AGAP1: variants seen among roughly 807,000 people sequenced by gnomAD.
AGAP1 encodes arf-GAP with GTPase, ANK repeat and PH domain-containing protein 1.
In AGAP1, 29 loss-of-function variants were observed where a neutral mutation model predicts 105.3. The ratio of observed to expected loss-of-function variants is 0.28; its 90% CI spans 0.21 to 0.38. The LOEUF (loss-of-function observed/expected upper bound fraction) is 0.38, where lower values mean the gene tolerates loss of function less well. Ranked by LOEUF, AGAP1 falls within the 10% of genes least tolerant of loss-of-function variation. The pLI is 1.00. For missense variants in AGAP1, 998 were observed against 1,165.1 expected (o/e 0.86, Z 2.09); for synonymous variants, 509 against 485.9 (o/e 1.05, Z -0.63).
intron 9 of AGAP1, among the ~76,000 whole-genome samples, chr2:235,832,472 C>G (rs1276841740): frequency 6.6e-6 from 1 of 152,240 alleles, no homozygotes; most frequent in Non-Finnish European, 1.5e-5. Flanking sequence ...AAATCATCAA[C>G]TCTTCCGATG....
At chr2:235,533,529 A>G (rs1207668827) in intron 1 of AGAP1, among the ~76,000 whole-genome samples, 3 of 152,192 alleles carry the variant, frequency 2.0e-5, no homozygotes, top group African/African-American at 7.2e-5. Flanking sequence ...CAAAACAAAG[A>G]TTTTGCTTGG....
intron 1 of AGAP1, among the ~76,000 whole-genome samples, chr2:235,653,454 G>T (rs1442819630): frequency 2.0e-5 from 3 of 151,400 alleles, no homozygotes; most frequent in African/African-American, 7.3e-5. Flanking sequence ...AAAGAGCGAA[G>T]CCTCCATCTC....
At chr2:235,898,277 C>T (rs913925037) in intron 10 of AGAP1, among the ~76,000 whole-genome samples, 3 of 152,102 alleles carry the variant, frequency 2.0e-5, no homozygotes, top group African/African-American at 7.2e-5. Flanking sequence ...GCAAAGGGAA[C>T]GGGGCCTTTT....
chr2:236,040,488 C>A lies in AGAP1; in HGVS notation c.1801-263C>A. On this transcript the variant is annotated intron_variant, in intron 14 of 17. Transcript: ENST00000304032. This position sits in a 1 kb window ranked among gnomAD's most constrained non-coding sequence, Gnocchi z 5.6. ...GCGTATTCACAGATGATCCAGAACTCTCCTCTTTGCTCATTTCTGGCAGAG... is the reference window on the plus strand; with the variant it reads ...GCGTATTCACAGATGATCCAGAACTATCCTCTTTGCTCATTTCTGGCAGAG... 1.9e-6 allele frequency: 1 copy of A among 521,206 alleles called. No homozygotes were observed. The highest frequency in any genetic ancestry group is 3.5e-6 in the Non-Finnish European group (1 of 289,712). The allele number at this position is 521,206 out of a possible 1,614,324, so 32.3% of individuals were successfully genotyped here.
At chr2:235,749,348 G>A (rs2149705883) in intron 5 of AGAP1, among the ~76,000 whole-genome samples, 1 of 152,034 alleles carries the variant, frequency 6.6e-6, no homozygotes, top group Admixed American at 6.6e-5. Context: ...ATGGGGCAGG[G>A]CTGGGGGTGG....
chr2:236,079,265 A>AG (rs1559254589), intron 16 of AGAP1, among the ~76,000 whole-genome samples: 2 of 151,844 alleles, frequency 1.3e-5, no homozygotes, highest in Non-Finnish European at 2.9e-5. Flanking sequence ...TACACCTGTA[A>AG]TCCCAGCACT....
At chr2:235,718,487 T>A in intron 3 of AGAP1, 4 of 741,048 alleles carry the variant, frequency 5.4e-6, no homozygotes, top group Non-Finnish European at 6.6e-6. Context: ...CCCTCCTTGT[T>A]CTGTGTACCA....
intron 16 of AGAP1, among the ~76,000 whole-genome samples, chr2:236,112,902 CCT>C (rs34179713): frequency 0.074 from 11,301 of 152,314 alleles, 578 homozygotes; most frequent in Middle Eastern, 0.17. Context: ...GCTCTGCAGC[CCT>C]GTCTGGCTGA....
chr2:235,969,913 G>T (rs1292720133), intron 13 of AGAP1, among the ~76,000 whole-genome samples: 2 of 152,102 alleles, frequency 1.3e-5, no homozygotes, highest in African/African-American at 4.8e-5. Context: ...AATAAAAACT[G>T]ATTTTTCGTC....
At chr2:235,899,507 G>C (rs1008384105) in intron 10 of AGAP1, among the ~76,000 whole-genome samples, 4 of 152,098 alleles carry the variant, frequency 2.6e-5, no homozygotes, top group Non-Finnish European at 5.9e-5. Context: ...GAGCGAAACT[G>C]TGTCTTAAAA....
rs1955983039 is a variant in AGAP1 at position 235,777,650 on chromosome 2, GCTGTCA to G, written c.674-20107_674-20102del. On this transcript the variant is annotated intron_variant, in intron 6 of 17. Transcript: ENST00000304032. The surrounding 1 kb of genome is among the most constrained non-coding windows in gnomAD (Gnocchi z 5.1). ...CCGACGCTGGTCCTAAGTGCCTTCA[GCTGTCA>G]CCTGAGCACGTTCAAGCCTCCTGCC... is the stretch of plus-strand genomic sequence containing the variant. Among the ~76,000 whole-genome samples the G allele has an allele frequency of 1.3e-5, 2 of 152,150 alleles. No individual in the cohort carries two copies. Among genetic ancestry groups the G allele is most frequent in the African/African-American group, 4.8e-5 (2 of 41,436 alleles).
At chr2:235,933,153 T>G (rs964563933) in intron 12 of AGAP1, among the ~76,000 whole-genome samples, 21 of 151,846 alleles carry the variant, frequency 1.4e-4, no homozygotes, top group African/African-American at 5.1e-4. Context: ...ATTGATAGAG[T>G]TGATCAAGGA....
At chr2:235,858,005 G>A (rs2048760085) in intron 9 of AGAP1, among the ~76,000 whole-genome samples, 1 of 152,144 alleles carries the variant, frequency 6.6e-6, no homozygotes, top group East Asian at 1.9e-4. Context: ...GAGTTTATGA[G>A]ATACACCATG....
At chr2:235,949,745 TA>T (rs2053653884) in intron 12 of AGAP1, among the ~76,000 whole-genome samples, 2 of 152,170 alleles carry the variant, frequency 1.3e-5, no homozygotes, top group South Asian at 4.1e-4. Flanking sequence ...TCCAGCTGCA[TA>T]AACAGCCTTG....
At chr2:235,804,749 T>C (rs1420371912) in intron 8 of AGAP1, among the ~76,000 whole-genome samples, 2 of 152,234 alleles carry the variant, frequency 1.3e-5, no homozygotes, top group Non-Finnish European at 2.9e-5. Flanking sequence ...AAGCAGTTAC[T>C]ATGGTGGCTT....
chr2:235,899,379 TG>T (rs2050954758), intron 10 of AGAP1, among the ~76,000 whole-genome samples: 1 of 152,156 alleles, frequency 6.6e-6, no homozygotes, highest in East Asian at 1.9e-4. Flanking sequence ...CAGGCATGGT[TG>T]CAGGCGCCTG....
intron 16 of AGAP1, among the ~76,000 whole-genome samples, chr2:236,097,880 ACTCCCGG>A (rs1431126999): frequency 6.6e-6 from 1 of 151,558 alleles, no homozygotes; most frequent in Non-Finnish European, 1.5e-5. Flanking sequence ...ACGACTCCCG[ACTCCCGG>A]CACCTCATGT....
rs1947912627 is a variant in AGAP1, at chr2:235,660,503, A to G, written c.164-48676A>G. Among the ~76,000 whole-genome samples the G allele has an allele frequency of 6.6e-6, 1 of 152,176 alleles. No homozygotes were observed. Among genetic ancestry groups the G allele is most frequent in the Admixed American group, 6.5e-5 (1 of 15,282 alleles). ...AATGGAAGTGTCAGAGCAGGGTGAC[A>G]GATGCCAAGGAAGAGTGCCCAGGTG... On this transcript the variant is annotated intron_variant, in intron 1 of 17. Transcript: ENST00000304032. This position sits in a 1 kb window ranked among gnomAD's most constrained non-coding sequence, Gnocchi z 5.3.
chr2:236,109,965 T>C lies in AGAP1; in HGVS notation c.2115-10227T>C, dbSNP rs1417480818. On this transcript the variant is annotated intron_variant, in intron 16 of 17. Transcript: ENST00000304032. This position sits in a 1 kb window ranked among gnomAD's most constrained non-coding sequence, Gnocchi z 5.4. ...GAGAAAATGATGCTGTGGATCCACC[T>C]AGACTCTCAAAGCCCAGAGAGTCTG... Among the ~76,000 whole-genome samples, 8 of 152,144 alleles carry C rather than the reference T, an allele frequency of 5.3e-5. No homozygotes were observed. The highest frequency in any genetic ancestry group is 1.9e-4 in the African/African-American group (8 of 41,454).
Sources: allele counts gnomAD v4.1 joint callset (sites outside exome capture counted in the v4.1 genomes callset), GRCh38; gene constraint gnomAD v4.1.1; non-coding constraint Gnocchi (gnomAD v3.1); transcripts MANE v1.5; gene names NCBI Gene and HGNC (gene_info 2026-07-23, HGNC 2026-07-21).